The following MTPN variants were observed in gnomAD, a reference collection of about 807,000 sequenced individuals.
The protein encoded by MTPN is granule cell differentiation protein.
In MTPN, 2 loss-of-function variants were observed where a neutral mutation model predicts 13.5. The ratio of observed to expected loss-of-function variants is 0.15; its 90% CI spans 0.06 to 0.47. MTPN has a LOEUF of 0.47. MTPN is among the 20% of genes least tolerant of loss of function. MTPN has a pLI of 0.97. For missense variants in MTPN, 79 were observed against 137.9 expected, an observed-to-expected ratio of 0.57 and a Z score of 2.14; for synonymous variants, 46 against 51.7, an observed-to-expected ratio of 0.89 and a Z score of 0.48.
Position 135,927,344 on chromosome 7 carries a change from T to G in MTPN, c.*2582A>C, listed in dbSNP as rs1798935997. Reference sequence around the variant, plus strand: ...GTGCTGTATTTGAACGATAAGCCTATAGATAACAGTCTGAAGCTGCAAGGG... The same window carrying G: ...GTGCTGTATTTGAACGATAAGCCTAGAGATAACAGTCTGAAGCTGCAAGGG... On this transcript the variant is annotated 3_prime_UTR_variant, in exon 4 of 4. Transcript: ENST00000393085. 1 of 1,551,174 alleles carries G rather than the reference T, an allele frequency of 6.4e-7. No homozygotes were observed. The highest frequency in any genetic ancestry group is 8.7e-7 in the Non-Finnish European group (1 of 1,146,782).
chr7:135,933,897 ATAGAG>A lies in MTPN; in HGVS notation c.271-3890_271-3886del, dbSNP rs565096054. Among the ~76,000 whole-genome samples the A allele has an allele frequency of 4.9e-3, 753 of 152,180 alleles. 7 individuals are homozygous for A. Among genetic ancestry groups the A allele is most frequent in the Middle Eastern group, 0.017 (5 of 294 alleles). On this transcript the variant is annotated intron_variant, in intron 3 of 3. Transcript: ENST00000393085. The stretch of plus-strand genomic sequence containing the variant: ...CCTCACCCCCTTGTGCTGTCTTGTG[ATAGAG>A]TAGAGTTCTCATGAGACCTGGTTGC...
chr7:135,975,630 G>A (rs1799762758), intron 1 of MTPN, among the ~76,000 whole-genome samples: 1 of 152,172 alleles, frequency 6.6e-6, no homozygotes, highest in Non-Finnish European at 1.5e-5. Flanking sequence ...GTTCCACCAT[G>A]ACAGGAAAAC....
chr7:135,977,247 G>A lies in MTPN; in HGVS notation c.-147C>T, dbSNP rs1799793798. 2.6e-6 allele frequency: 2 copies of A among 778,202 alleles called. No individual in the cohort carries two copies. Among genetic ancestry groups the A allele is most frequent in the Non-Finnish European group, 4.3e-6 (2 of 468,340 alleles). The allele number at this position is 778,202 out of a possible 1,614,324, so 48.2% of individuals were successfully genotyped here. ...AGGAGGGTTAGGCTGCCAGGCGGGC[G>A]AGGCAGTTGGCCGCGGCGACCGTTC... On this transcript the variant is annotated 5_prime_UTR_variant, in exon 1 of 4. Transcript: ENST00000393085.
intron 1 of MTPN, among the ~76,000 whole-genome samples, chr7:135,956,278 A>T (rs1040019303): frequency 6.6e-6 from 1 of 152,224 alleles, no homozygotes; most frequent in African/African-American, 2.4e-5. Context: ...GGCCTTAGTG[A>T]CATTAGCAGA....
At chr7:135,972,133 G>GT (rs918880998) in intron 1 of MTPN, among the ~76,000 whole-genome samples, 5 of 150,634 alleles carry the variant, frequency 3.3e-5, no homozygotes, top group African/African-American at 1.2e-4. Flanking sequence ...CCTCTTTCTC[G>GT]TTTTCTTAAT....
intron 3 of MTPN, among the ~76,000 whole-genome samples, chr7:135,943,571 C>T (rs1445475364): frequency 6.6e-6 from 1 of 152,200 alleles, no homozygotes; most frequent in Admixed American, 6.5e-5. Context: ...AGCAATTATA[C>T]ATAAAACATA....
At chr7:135,948,354 C>T (rs1165469000) in intron 3 of MTPN, among the ~76,000 whole-genome samples, 2 of 152,176 alleles carry the variant, frequency 1.3e-5, no homozygotes, top group Non-Finnish European at 2.9e-5. Flanking sequence ...AACAGCTCTA[C>T]ATGGTTACAA....
rs760749367 is a variant in MTPN at position 135,927,426 on chromosome 7, G to C, written c.*2500C>G. The C allele has an allele frequency of 4.7e-5, 73 of 1,541,204 alleles. No homozygotes were observed. Among genetic ancestry groups the C allele is most frequent in the Non-Finnish European group, 6.2e-5 (71 of 1,143,558 alleles). On this transcript the variant is annotated 3_prime_UTR_variant, in exon 4 of 4. Coordinates refer to ENST00000393085, the MANE Select transcript of MTPN (RefSeq NM_145808.4). Reference sequence around the variant, plus strand: ...AAACTACCTGTTTGTACTTGATATAGTGCATATGAAATGACTGATTTAATA... The same window carrying C: ...AAACTACCTGTTTGTACTTGATATACTGCATATGAAATGACTGATTTAATA...
chr7:135,961,386 C>T (rs945003431), intron 1 of MTPN, among the ~76,000 whole-genome samples: 1 of 151,934 alleles, frequency 6.6e-6, no homozygotes, highest in African/African-American at 2.4e-5. Context: ...ATTAAAAAGT[C>T]AAAATCACAT....
At chr7:135,934,022 T>C (rs957409753) in intron 3 of MTPN, among the ~76,000 whole-genome samples, 1 of 152,122 alleles carries the variant, frequency 6.6e-6, no homozygotes, top group Non-Finnish European at 1.5e-5. Flanking sequence ...GATTGTTAAG[T>C]TTCCTGAGGC....
intron 1 of MTPN, among the ~76,000 whole-genome samples, chr7:135,951,984 T>C (rs546981405): frequency 6.6e-6 from 1 of 152,344 alleles, no homozygotes; most frequent in South Asian, 2.1e-4. Flanking sequence ...ACAGTTCATA[T>C]TACATGTATT....
chr7:135,939,783 C>G (rs895975536), intron 3 of MTPN, among the ~76,000 whole-genome samples: 2 of 152,116 alleles, frequency 1.3e-5, no homozygotes, highest in African/African-American at 2.4e-5. Flanking sequence ...ACAGGTATGT[C>G]TTCCCCAAAT....
At chr7:135,952,238 T>C (rs1381097709) in intron 1 of MTPN, among the ~76,000 whole-genome samples, 1 of 152,134 alleles carries the variant, frequency 6.6e-6, no homozygotes, top group Admixed American at 6.6e-5. Flanking sequence ...ATTAAACATA[T>C]AATTTCAAAA....
chr7:135,960,121 A>C (rs564419603), intron 1 of MTPN, among the ~76,000 whole-genome samples: 1 of 152,248 alleles, frequency 6.6e-6, no homozygotes, highest in South Asian at 2.1e-4. Flanking sequence ...CCCCACAAGG[A>C]ATCTGTAGCC....
At chr7:135,939,673 C>T (rs1799178235) in intron 3 of MTPN, among the ~76,000 whole-genome samples, 1 of 147,756 alleles carries the variant, frequency 6.8e-6, no homozygotes, top group South Asian at 2.2e-4. Context: ...TGCACATCTT[C>T]AGACTTTCTC....
chr7:135,956,365 ATT>A (rs1273462269), intron 1 of MTPN, among the ~76,000 whole-genome samples: 2 of 152,178 alleles, frequency 1.3e-5, no homozygotes, highest in African/African-American at 2.4e-5. Context: ...TGAAAACCTA[ATT>A]TTCTTTCCCA....
chr7:135,977,007 T>C (rs373316408), intron 1 of MTPN, 22 bp downstream of exon 1: 34 of 1,451,956 alleles, frequency 2.3e-5, no homozygotes, highest in Non-Finnish European at 3.2e-5. Context: ...TGTTCTCGCC[T>C]ACTCTTCTCA....
intron 3 of MTPN, among the ~76,000 whole-genome samples, chr7:135,944,997 C>T (rs1269548904): frequency 1.3e-5 from 2 of 152,178 alleles, no homozygotes; most frequent in Admixed American, 1.3e-4. Context: ...TAGCCTATTG[C>T]TCCTAGGCTA....
intron 3 of MTPN, among the ~76,000 whole-genome samples, chr7:135,936,899 TA>T (rs751255112): frequency 6.6e-6 from 1 of 152,206 alleles, no homozygotes; most frequent in Non-Finnish European, 1.5e-5. Flanking sequence ...CACTTGTAGA[TA>T]ATCAAGTATT....
Sources: allele counts gnomAD v4.1 joint callset (sites outside exome capture counted in the v4.1 genomes callset), GRCh38; gene constraint gnomAD v4.1.1; transcripts MANE v1.5; gene names NCBI Gene and HGNC (gene_info 2026-07-23, HGNC 2026-07-21).